The following KDM2B variants were observed in gnomAD, a reference collection of about 807,000 sequenced individuals.
The protein encoded by KDM2B is lysine demethylase 2B, also known as lysine-specific demethylase 2B.
Under a neutral mutation model 150.0 loss-of-function variants are expected in KDM2B, and 26 were observed. The observed-to-expected ratio is 0.17, with a 90% CI of 0.13 to 0.24. The LOEUF is 0.24. Among genes scored for constraint, KDM2B ranks in the 10% least tolerant of loss-of-function variants. The pLI is 1.00. For missense variants in KDM2B, 1,265 were observed against 1,816.9 expected (o/e 0.70, Z 5.52); for synonymous variants, 734 against 729.5 (o/e 1.01, Z -0.10).
the KDM2B span, chr12:121,423,619 C>G: frequency 2.6e-6 from 4 of 1,549,232 alleles, no homozygotes; most frequent in African/African-American, 4.1e-5. The surrounding 1 kb of genome is among the most constrained non-coding windows in gnomAD (Gnocchi z 4.3). Flanking sequence ...AAACTTGACC[C>G]CCAACATTTC....
At chr12:121,420,105 G>T in the KDM2B span, 1 of 748,976 alleles carries the variant, frequency 1.3e-6, no homozygotes, top group Non-Finnish European at 2.2e-6. Flanking sequence ...TTTTGGAAGG[G>T]TCAGCAGCAT....
In KDM2B at chr12:121,580,823, A is replaced by G. The variant is rs1555317897; in HGVS notation, c.89T>C (p.Ile30Thr). ...AAEKQKKKTV[I>T]YTKCFEFESA... ...CTCAAATTCAAAGCATTTTGTATAT[A>G]TAACTGTTTTCTTTTTTTGCTTTTC... The change falls in exon 1 of 23, where the codon ATA (isoleucine) becomes ACA (threonine). Residue 30 changes from isoleucine to threonine, a missense_variant. Physicochemically the swap from Ile to Thr is moderately conservative, Grantham distance 89. Transcript: ENST00000377071. The G allele has an allele frequency of 6.2e-7, 1 of 1,614,066 alleles. No homozygotes were observed. The highest frequency in any genetic ancestry group is 1.7e-5 in the Admixed American group (1 of 60,014).
At chr12:121,411,291 G>A in the KDM2B span, among the ~76,000 whole-genome samples, 2 of 151,716 alleles carry the variant, frequency 1.3e-5, no homozygotes, top group Non-Finnish European at 2.9e-5. Context: ...TTTCTTTCTG[G>A]GGAACAAAGA....
At chr12:121,434,982 A>G (rs1384219307) in intron 22 of KDM2B, among the ~76,000 whole-genome samples, 1 of 151,202 alleles carries the variant, frequency 6.6e-6, no homozygotes, top group African/African-American at 2.4e-5. Context: ...GAAATTTTTC[A>G]TGACATTAGA....
intron 12 of KDM2B, among the ~76,000 whole-genome samples, chr12:121,482,275 G>T (rs1882239098): frequency 6.6e-6 from 1 of 152,080 alleles, no homozygotes; most frequent in African/African-American, 2.4e-5. Flanking sequence ...GAAAAAAGGG[G>T]ATGCCTAAAT....
chr12:121,487,140 C>G (rs782122753), intron 12 of KDM2B, among the ~76,000 whole-genome samples: 4 of 151,954 alleles, frequency 2.6e-5, no homozygotes, highest in Non-Finnish European at 5.9e-5. Context: ...GACCTTGTGT[C>G]AAACAAAAGA....
chr12:121,467,282 A>AG lies in KDM2B; in HGVS notation c.1735-13939dup. The AG allele has an allele frequency of 2.0e-6, 2 of 986,004 alleles. No homozygotes were observed. Among genetic ancestry groups the AG allele is most frequent in the Non-Finnish European group, 2.4e-6 (2 of 831,348 alleles). 61.1% of individuals were successfully genotyped at this position (986,004 alleles called of 1,614,324 possible). Reference sequence around the variant, plus strand: ...GGCGCCGCCGCCGCCGCCCGCCCGGAGCAGGCTCGGCTCGCCCTGGCTCGG... The same window carrying AG: ...GGCGCCGCCGCCGCCGCCCGCCCGGAGGCAGGCTCGGCTCGCCCTGGCTCGG... On this transcript the variant is annotated intron_variant, in intron 12 of 22. Transcript: ENST00000377071. This position sits in a 1 kb window ranked among gnomAD's most constrained non-coding sequence, Gnocchi z 5.1.
intron 8 of KDM2B, among the ~76,000 whole-genome samples, chr12:121,523,688 C>CAGGGG (rs1886883523): frequency 6.6e-6 from 1 of 152,238 alleles, no homozygotes; most frequent in Non-Finnish European, 1.5e-5. Flanking sequence ...ACGCATGGAA[C>CAGGGG]AGAGCTGGCC....
chr12:121,548,606 G>A (rs1329168283), intron 6 of KDM2B, among the ~76,000 whole-genome samples: 2 of 152,150 alleles, frequency 1.3e-5, no homozygotes, highest in Non-Finnish European at 2.9e-5. Flanking sequence ...ATGCAGAGGC[G>A]TCTGCCATCA....
At chr12:121,559,348 G>A (rs1045913731) in intron 4 of KDM2B, among the ~76,000 whole-genome samples, 1 of 151,536 alleles carries the variant, frequency 6.6e-6, no homozygotes, top group African/African-American at 2.4e-5. Flanking sequence ...TATGGGAGGG[G>A]TGGGAGGGGA....
intron 17 of KDM2B, chr12:121,443,466 T>G: frequency 1.7e-6 from 1 of 598,044 alleles, no homozygotes; most frequent in Non-Finnish European, 3.0e-6. Flanking sequence ...AGAGGTTCCC[T>G]GGACTCACAG....
chr12:121,534,500 C>T lies in KDM2B; in HGVS notation c.774G>A (p.Gly258=), dbSNP rs1887938165. Reference sequence around the variant, plus strand: ...GTTAAAGGCAACTGAAACTCACCTTCCCACCCCGGAAAACATGGTACCAAA... The same window carrying T: ...GTTAAAGGCAACTGAAACTCACCTTTCCACCCCGGAAAACATGGTACCAAA... The part of the protein sequence containing the change: ...TSVWYHVFRG[G]KIFWLIPPTL... The change falls in exon 7 of 23, where the codon GGG becomes GGA. Residue 258 remains glycine, a synonymous_variant. Transcript: ENST00000377071. 1.9e-6 allele frequency: 3 copies of T among 1,613,402 alleles called. No individual in the cohort carries two copies. The highest frequency in any genetic ancestry group is 2.5e-6 in the Non-Finnish European group (3 of 1,179,374).
the KDM2B span, chr12:121,420,232 A>G: frequency 8.7e-6 from 14 of 1,609,396 alleles, no homozygotes; most frequent in African/African-American, 5.3e-5. Flanking sequence ...GATACGTTGT[A>G]TAAGTGTAGG....
intron 12 of KDM2B, among the ~76,000 whole-genome samples, chr12:121,479,422 G>A (rs58568520): frequency 1.3e-5 from 2 of 150,436 alleles, no homozygotes; most frequent in South Asian, 2.1e-4. Flanking sequence ...AGCCGAGATC[G>A]TGCCACTGCA....
At chr12:121,490,525 GC>G (rs1468745072) in intron 12 of KDM2B, among the ~76,000 whole-genome samples, 1 of 152,190 alleles carries the variant, frequency 6.6e-6, no homozygotes, top group Non-Finnish European at 1.5e-5. Context: ...CCAGCCAGTA[GC>G]CATGTCTGGC....
the KDM2B span, among the ~76,000 whole-genome samples, chr12:121,414,385 A>G: frequency 2.0e-4 from 31 of 152,166 alleles, no homozygotes; most frequent in Non-Finnish European, 3.5e-4. Context: ...CCCTCGCTGA[A>G]AATTTATTCT....
the KDM2B span, chr12:121,409,492 G>A: frequency 6.6e-6 from 1 of 152,200 alleles, no homozygotes; most frequent in African/African-American, 2.4e-5. Context: ...CTGAAACAGT[G>A]TAGGCAGGAA....
chr12:121,549,135 A>G lies in KDM2B; in HGVS notation c.577-152T>C. On this transcript the variant is annotated intron_variant, in intron 5 of 22. Coordinates refer to ENST00000377071, the MANE Select transcript of KDM2B (RefSeq NM_032590.5). This position sits in a 1 kb window ranked among gnomAD's most constrained non-coding sequence, Gnocchi z 4.4. ...ATGGGAGGAAGGAAGGGCAGGGATG[A>G]CAGGACCCACACTTTGTAGAAGGGA... 1 of 651,892 alleles carries G rather than the reference A, an allele frequency of 1.5e-6. No individual in the cohort carries two copies. The highest frequency in any genetic ancestry group is 2.7e-6 in the Non-Finnish European group (1 of 373,470). The allele number at this position is 651,892 out of a possible 1,614,324, so 40.4% of individuals were successfully genotyped here.
At chr12:121,473,582 G>C (rs1881002849) in intron 12 of KDM2B, among the ~76,000 whole-genome samples, 1 of 151,284 alleles carries the variant, frequency 6.6e-6, no homozygotes, top group Non-Finnish European at 1.5e-5. Flanking sequence ...AGCCAGGCAT[G>C]ATGGCACACG....
Sources: allele counts gnomAD v4.1 joint callset (sites outside exome capture counted in the v4.1 genomes callset), GRCh38; gene constraint gnomAD v4.1.1; non-coding constraint Gnocchi (gnomAD v3.1); transcripts MANE v1.5; gene names NCBI Gene and HGNC (gene_info 2026-07-23, HGNC 2026-07-21).